NBAS: variants seen among roughly 807,000 people sequenced by gnomAD.
The protein encoded by NBAS is NBAS subunit of NRZ tethering complex.
NBAS carries 219 observed loss-of-function variants against 302.5 expected under a neutral mutation model. The ratio of observed to expected loss-of-function variants is 0.72; its 90% CI spans 0.65 to 0.81. The LOEUF is 0.81. Among genes scored for constraint, NBAS ranks in the 30% least tolerant of loss-of-function variants. The pLI is 0.00. For missense variants in NBAS, 2,932 were observed against 2,841.6 expected, an observed-to-expected ratio of 1.03 and a Z score of -0.72; for synonymous variants, 1,118 against 1,021.6, an observed-to-expected ratio of 1.09 and a Z score of -1.80.
chr2:14,786,900 C>A, the NBAS span, among the ~76,000 whole-genome samples: 1 of 152,136 alleles, frequency 6.6e-6, no homozygotes, highest in Admixed American at 6.6e-5. Context: ...TCTCATTGAT[C>A]TGTCTAATGT....
the NBAS span, among the ~76,000 whole-genome samples, chr2:14,963,620 C>T: frequency 6.6e-6 from 1 of 152,290 alleles, no homozygotes; most frequent in South Asian, 2.1e-4. Context: ...ACGACCAGCA[C>T]CCAATTAAAA....
the NBAS span, among the ~76,000 whole-genome samples, chr2:14,909,013 C>A: frequency 6.6e-6 from 1 of 152,090 alleles, no homozygotes; most frequent in Non-Finnish European, 1.5e-5. Flanking sequence ...TACGTTCCCC[C>A]AAATGATTCT....
chr2:15,068,981 G>A, the NBAS span, among the ~76,000 whole-genome samples: 6 of 152,238 alleles, frequency 3.9e-5, no homozygotes, highest in Non-Finnish European at 8.8e-5. Flanking sequence ...GCCTCACATG[G>A]TTGGGGGGGC....
intron 47 of NBAS, among the ~76,000 whole-genome samples, chr2:15,230,769 A>C (rs1400946185): frequency 6.6e-6 from 1 of 152,172 alleles, no homozygotes; most frequent in African/African-American, 2.4e-5. Context: ...CTGGGAGCTG[A>C]TGGCTGAGAA....
At chr2:15,317,697 AAAAAAGAGT>A (rs1671580115) in intron 38 of NBAS, among the ~76,000 whole-genome samples, 1 of 152,186 alleles carries the variant, frequency 6.6e-6, no homozygotes, top group Non-Finnish European at 1.5e-5. Flanking sequence ...AGGTTAGAGA[AAAAAAGAGT>A]AAAAAGAAAC....
the NBAS span, among the ~76,000 whole-genome samples, chr2:14,914,312 A>AAATT: frequency 6.6e-6 from 1 of 152,198 alleles, no homozygotes; most frequent in African/African-American, 2.4e-5. Context: ...TTTATTAATC[A>AAATT]CATATATTTG....
chr2:14,931,140 A>T, the NBAS span, among the ~76,000 whole-genome samples: 3 of 152,250 alleles, frequency 2.0e-5, no homozygotes, highest in African/African-American at 7.2e-5. Flanking sequence ...CCAGATTTTG[A>T]GCATTGATAA....
At chr2:15,393,982 G>C (rs1675741047) in intron 28 of NBAS, among the ~76,000 whole-genome samples, 1 of 152,072 alleles carries the variant, frequency 6.6e-6, no homozygotes, top group South Asian at 2.1e-4. Flanking sequence ...AAAAGCAAGA[G>C]AGAAAGGATT....
intron 29 of NBAS, among the ~76,000 whole-genome samples, chr2:15,381,544 C>A (rs1324511490): frequency 6.6e-6 from 1 of 152,158 alleles, no homozygotes; most frequent in African/African-American, 2.4e-5. Context: ...CACACAGAAA[C>A]TAACTCAAAT....
At chr2:14,898,156 T>A in the NBAS span, among the ~76,000 whole-genome samples, 2 of 152,220 alleles carry the variant, frequency 1.3e-5, 1 homozygote, top group Non-Finnish European at 2.9e-5. Flanking sequence ...TAGAGATAAA[T>A]AAGGACTGCC....
At chr2:14,861,220 A>G in the NBAS span, among the ~76,000 whole-genome samples, 5 of 152,248 alleles carry the variant, frequency 3.3e-5, no homozygotes, top group Admixed American at 1.3e-4. Context: ...TGTACAATGA[A>G]TCTAATTCAG....
chr2:15,490,245 C>T (rs1363944230), intron 11 of NBAS, among the ~76,000 whole-genome samples: 2 of 152,102 alleles, frequency 1.3e-5, no homozygotes, highest in African/African-American at 4.8e-5. Context: ...ACTAAGGTGC[C>T]TTAGCCATCA....
the NBAS span, among the ~76,000 whole-genome samples, chr2:15,099,538 G>A: frequency 6.6e-6 from 1 of 151,922 alleles, no homozygotes; most frequent in East Asian, 1.9e-4. Flanking sequence ...ATGATGCCAA[G>A]AGAGGAAAAT....
the NBAS span, among the ~76,000 whole-genome samples, chr2:15,060,087 C>T: frequency 2.6e-5 from 4 of 152,014 alleles, no homozygotes; most frequent in South Asian, 2.1e-4. Flanking sequence ...TGCTGAGTGA[C>T]GCTGAATGAG....
At chr2:15,549,194 C>A (rs1374516785) in intron 6 of NBAS, among the ~76,000 whole-genome samples, 14 of 151,926 alleles carry the variant, frequency 9.2e-5, no homozygotes, top group African/African-American at 3.4e-4. Flanking sequence ...AACTGGGGCT[C>A]AGAGAGGTAA....
chr2:15,338,479 A>G (rs1672694205), intron 35 of NBAS, among the ~76,000 whole-genome samples: 1 of 152,170 alleles, frequency 6.6e-6, no homozygotes, highest in African/African-American at 2.4e-5. Flanking sequence ...CAATAGAAAA[A>G]TACTCTATGG....
chr2:15,449,894 C>A (rs754844950), intron 21 of NBAS, among the ~76,000 whole-genome samples: 7 of 152,194 alleles, frequency 4.6e-5, no homozygotes, highest in Non-Finnish European at 1.0e-4. Flanking sequence ...TTTTTCCTCA[C>A]AGCAGCTCAG....
At chr2:15,144,815 T>C in the NBAS span, among the ~76,000 whole-genome samples, 35 of 152,318 alleles carry the variant, frequency 2.3e-4, no homozygotes, top group Admixed American at 5.9e-4. Flanking sequence ...GAGATCTGGT[T>C]TTAGCACATG....
intron 19 of NBAS, 79 bp from the exon 20 acceptor site, chr2:15,461,870 A>G (rs1679521541): frequency 1.3e-6 from 1 of 794,508 alleles, no homozygotes; most frequent in African/African-American, 1.7e-5. Flanking sequence ...AAAAACCTTT[A>G]CAACTCTGCC....
Sources: gnomAD v4.1 joint callset for allele counts (sites outside exome capture counted in the v4.1 genomes callset) on GRCh38, gnomAD v4.1.1 for gene constraint, MANE v1.5 for transcripts, NCBI Gene and HGNC (gene_info 2026-07-23, HGNC 2026-07-21) for gene names.